TRDN: variants seen among roughly 807,000 people sequenced by gnomAD.
The protein encoded by TRDN is triadin.
Under a neutral mutation model 149.7 loss-of-function variants are expected in TRDN, and 161 were observed. The ratio of observed to expected loss-of-function variants is 1.08; its 90% CI spans 0.95 to 1.23. The LOEUF is 1.23. Ranked by LOEUF, TRDN falls within the 50% of genes most tolerant of loss-of-function variation. The probability of loss-of-function intolerance (pLI) is 0.00; values close to 1 mark genes in which losing one functional copy is unlikely to be tolerated. For synonymous variants in TRDN, 294 were observed against 250.5 expected (o/e 1.17, Z -1.64); for missense variants, 896 against 823.5 (o/e 1.09, Z -1.08).
At chr6:123,526,612 T>TATAA (rs1779964684) in intron 5 of TRDN, among the ~76,000 whole-genome samples, 1 of 152,092 alleles carries the variant, frequency 6.6e-6, no homozygotes, top group Non-Finnish European at 1.5e-5. Context: ...CTGTGTTAGA[T>TATAA]TGTTCTATGA....
At chr6:123,221,384 T>A in intron 40 of TRDN, 103 bp downstream of exon 40, 1 of 692,674 alleles carries the variant, frequency 1.4e-6, no homozygotes. Flanking sequence ...GCTAAAAAAT[T>A]TTTTCTTCGA....
chr6:123,437,130 T>C (rs1481172937), intron 12 of TRDN, among the ~76,000 whole-genome samples: 2 of 151,908 alleles, frequency 1.3e-5, no homozygotes, highest in Non-Finnish European at 2.9e-5. Context: ...AATAGTTGAA[T>C]AACCTTATTT....
intron 1 of TRDN, among the ~76,000 whole-genome samples, chr6:123,590,311 G>C (rs1009292460): frequency 6.6e-6 from 1 of 152,196 alleles, no homozygotes; most frequent in Non-Finnish European, 1.5e-5. Flanking sequence ...AATCTAGGTT[G>C]TTGGTTCCTT....
At chr6:123,381,616 G>T (rs1250565123) in intron 15 of TRDN, among the ~76,000 whole-genome samples, 1 of 151,756 alleles carries the variant, frequency 6.6e-6, no homozygotes, top group Non-Finnish European at 1.5e-5. Flanking sequence ...AATTAACCCA[G>T]GATTATACTG....
chr6:123,421,666 T>C (rs1432069928), intron 12 of TRDN: 2 of 152,182 alleles, frequency 1.3e-5, no homozygotes, highest in African/African-American at 2.4e-5. Context: ...CCACCATTTT[T>C]TGCAGATCAG....
intron 38 of TRDN, among the ~76,000 whole-genome samples, chr6:123,239,448 GAC>G (rs1274349493): frequency 1.3e-5 from 2 of 152,034 alleles, no homozygotes; most frequent in African/African-American, 4.8e-5. Context: ...CATTAGCAAA[GAC>G]ACAATCTTCT....
chr6:123,228,779 G>C (rs1020588036), intron 38 of TRDN, among the ~76,000 whole-genome samples: 1 of 151,814 alleles, frequency 6.6e-6, no homozygotes, highest in African/African-American at 2.4e-5. Flanking sequence ...ATACCTGCTG[G>C]CAGGCTCTGA....
intron 26 of TRDN, among the ~76,000 whole-genome samples, chr6:123,274,987 A>G (rs1777322939): frequency 6.6e-6 from 1 of 152,130 alleles, no homozygotes; most frequent in Non-Finnish European, 1.5e-5. Flanking sequence ...TTTAAATCTA[A>G]ATTTTCTACT....
At chr6:123,264,028 G>T (rs1429375619) in intron 33 of TRDN, among the ~76,000 whole-genome samples, 1 of 152,072 alleles carries the variant, frequency 6.6e-6, no homozygotes, top group Non-Finnish European at 1.5e-5. Context: ...TAATGGAGCT[G>T]TACGAGGAGA....
intron 2 of TRDN, among the ~76,000 whole-genome samples, chr6:123,558,104 C>T (rs1781778874): frequency 6.6e-6 from 1 of 152,084 alleles, no homozygotes; most frequent in African/African-American, 2.4e-5. Flanking sequence ...TCTGAGGTGC[C>T]TGACGTCCAG....
intron 1 of TRDN, among the ~76,000 whole-genome samples, chr6:123,584,445 G>T (rs955390188): frequency 1.3e-5 from 2 of 152,078 alleles, no homozygotes; most frequent in Admixed American, 1.3e-4. Context: ...AGGCTACAGG[G>T]TGCGGTCCTG....
intron 1 of TRDN, among the ~76,000 whole-genome samples, chr6:123,589,039 G>A (rs1231950054): frequency 2.6e-5 from 4 of 152,082 alleles, no homozygotes; most frequent in South Asian, 2.1e-4. Flanking sequence ...GACCTTTTAC[G>A]AAAATAAATT....
In TRDN at chr6:123,617,502, C is replaced by T. The variant is rs537224076; in HGVS notation, c.22+19252G>A. Reference sequence around the variant, plus strand: ...GTGGAAAAAAAAATAAAGTGCCTCTCTAATTTTGCTGATTATTAGCTGGAA... The same window carrying T: ...GTGGAAAAAAAAATAAAGTGCCTCTTTAATTTTGCTGATTATTAGCTGGAA... On this transcript the variant is annotated intron_variant, in intron 1 of 40. Coordinates refer to ENST00000334268, the MANE Select transcript of TRDN (RefSeq NM_006073.4). Among the ~76,000 whole-genome samples the T allele has an allele frequency of 4.5e-3, 685 of 152,208 alleles. 1 individual carries two copies. The highest frequency in any genetic ancestry group is 0.01 in the Middle Eastern group (3 of 294).
chr6:123,491,132 A>AGAAGGAAGGAAGGAAGGAAGGGAG (rs1778199793), intron 9 of TRDN, among the ~76,000 whole-genome samples: 1 of 146,276 alleles, frequency 6.8e-6, no homozygotes, highest in Non-Finnish European at 1.5e-5. Flanking sequence ...AAGGAACGAA[A>AGAAGGAAGGAAGGAAGGAAGGGAG]GAAGGAAGGA....
At chr6:123,484,237 A>G (rs899615350) in intron 9 of TRDN, among the ~76,000 whole-genome samples, 11 of 152,174 alleles carry the variant, frequency 7.2e-5, no homozygotes, top group African/African-American at 2.7e-4. Flanking sequence ...AGGTATGGGC[A>G]TATTTATTAT....
chr6:123,459,037 T>C (rs1408032698), intron 10 of TRDN, among the ~76,000 whole-genome samples: 1 of 152,202 alleles, frequency 6.6e-6, no homozygotes, highest in Non-Finnish European at 1.5e-5. Context: ...AATAATATCA[T>C]AGAACTAGAG....
chr6:123,473,258 T>G (rs1335366868), intron 9 of TRDN, among the ~76,000 whole-genome samples: 1 of 152,050 alleles, frequency 6.6e-6, no homozygotes, highest in Admixed American at 6.5e-5. Context: ...AAGGAGCTGA[T>G]GGAGCTGAAA....
intron 24 of TRDN, among the ~76,000 whole-genome samples, chr6:123,286,377 C>A (rs971120105): frequency 3.3e-5 from 5 of 152,090 alleles, no homozygotes; most frequent in African/African-American, 1.2e-4. Flanking sequence ...ACATTCACAG[C>A]AACCTGGATG....
chr6:123,560,877 T>C (rs1781955665), intron 2 of TRDN, among the ~76,000 whole-genome samples: 1 of 152,170 alleles, frequency 6.6e-6, no homozygotes, highest in South Asian at 2.1e-4. Flanking sequence ...CTCATTTCCT[T>C]TCCATCGTGG....
Sources: gnomAD v4.1 joint callset for allele counts (sites outside exome capture counted in the v4.1 genomes callset) on GRCh38, gnomAD v4.1.1 for gene constraint, MANE v1.5 for transcripts, NCBI Gene and HGNC (gene_info 2026-07-23, HGNC 2026-07-21) for gene names.